Variants in HIGD2B observed in about 807,000 individuals in gnomAD.
HIGD2B encodes HIG1 domain family member 2B.
For missense variants in HIGD2B, 106 were observed against 67.0 expected, an observed-to-expected ratio of 1.58 and a Z score of -2.03; for synonymous variants, 45 against 28.1, an observed-to-expected ratio of 1.60 and a Z score of -1.90.
chr15:72,677,631 G>A (rs1038096379), intron 2 of HIGD2B, among the ~76,000 whole-genome samples: 10 of 151,636 alleles, frequency 6.6e-5, no homozygotes, highest in Non-Finnish European at 7.4e-5. Context: ...GCATGGTAAT[G>A]CATGCCTGTG....
chr15:72,685,688 CA>C, intron 1 of HIGD2B, 129 bp downstream of exon 1: 1 of 180,570 alleles, frequency 5.5e-6, no homozygotes, highest in Non-Finnish European at 1.2e-5. Context: ...TATTTCCAAT[CA>C]AAAGACTGCC....
At chr15:72,681,958 C>G (rs2064754930) in intron 1 of HIGD2B, among the ~76,000 whole-genome samples, 1 of 152,100 alleles carries the variant, frequency 6.6e-6, no homozygotes, top group Non-Finnish European at 1.5e-5. Flanking sequence ...GTGCTGTTGC[C>G]CAGGCAGGAG....
At chr15:72,680,801 C>G (rs991217924) in intron 1 of HIGD2B, among the ~76,000 whole-genome samples, 4 of 152,022 alleles carry the variant, frequency 2.6e-5, no homozygotes, top group African/African-American at 9.7e-5. Context: ...GCCTGAGGCA[C>G]GAGAATTGCC....
At chr15:72,678,953 T>C (rs527943555) in intron 2 of HIGD2B, among the ~76,000 whole-genome samples, 61 of 151,202 alleles carry the variant, frequency 4.0e-4, no homozygotes, top group Non-Finnish European at 6.5e-4. Context: ...GCCATGATTG[T>C]GCCACTGCAT....
intron 1 of HIGD2B, among the ~76,000 whole-genome samples, chr15:72,685,470 C>A (rs1469894751): frequency 6.6e-6 from 1 of 152,158 alleles, no homozygotes; most frequent in Admixed American, 6.5e-5. Context: ...CCAAAGCCCA[C>A]ACGTTTTCCT....
At chr15:72,678,565 G>A (rs1411402599) in intron 2 of HIGD2B, among the ~76,000 whole-genome samples, 2 of 152,086 alleles carry the variant, frequency 1.3e-5, no homozygotes, top group Non-Finnish European at 2.9e-5. Context: ...TGCTCCCAAA[G>A]TGCTGGAATT....
rs943630549 is a variant in HIGD2B at position 72,685,997 on chromosome 15, G to C, written c.-372C>G. On this transcript the variant is annotated 5_prime_UTR_variant, in exon 1 of 3. Coordinates refer to ENST00000311755, the MANE Select transcript of HIGD2B (RefSeq NM_001350932.3). ...GTACAGACCACGGCGAGGGGTGTTA[G>C]GGGCTTCTCGGGATAAAGGCAGCGA... is the stretch of plus-strand genomic sequence containing the variant. 3.2e-6 allele frequency: 2 copies of C among 621,680 alleles called. No individual in the cohort carries two copies. Among genetic ancestry groups the C allele is most frequent in the Non-Finnish European group, 5.7e-6 (2 of 348,826 alleles). 38.5% of individuals were successfully genotyped at this position (621,680 alleles called of 1,614,324 possible).
intron 2 of HIGD2B, among the ~76,000 whole-genome samples, chr15:72,677,251 G>A (rs886817307): frequency 1.3e-5 from 2 of 151,776 alleles, no homozygotes; most frequent in Non-Finnish European, 2.9e-5. Context: ...GCAACATGGT[G>A]AAAGCCCATC....
Position 72,685,960 on chromosome 15 carries a change from G to T in HIGD2B, c.-335C>A. ...TGGCCTACCAGCCAGCGCGGCCGGA[G>T]GTACAGACCATGTACAGACCACGGC... On this transcript the variant is annotated 5_prime_UTR_variant, in exon 1 of 3. Coordinates refer to ENST00000311755, the MANE Select transcript of HIGD2B (RefSeq NM_001350932.3). The T allele has an allele frequency of 1.8e-6, 1 of 566,996 alleles. No homozygotes were observed. Among genetic ancestry groups the T allele is most frequent in the Non-Finnish European group, 3.2e-6 (1 of 316,002 alleles). The allele number at this position is 566,996 out of a possible 1,614,324, so 35.1% of individuals were successfully genotyped here. A position where few individuals can be genotyped will look rare whatever the true frequency, so the allele number is the denominator to read the frequency against.
Position 72,676,366 on chromosome 15 carries a change from A to T in HIGD2B, c.9T>A (p.Thr3=). MA[T]LGFVTPEAPF... The stretch of plus-strand genomic sequence containing the variant: ...GGGCCTCCGGAGTCACAAAGCCGAG[A>T]GTCGCCATGCCTAGGCCACAGCTGC... Residue 3 remains threonine, a synonymous_variant, in exon 3 of 3, where the codon ACT becomes ACA. Coordinates refer to ENST00000311755, the MANE Select transcript of HIGD2B (RefSeq NM_001350932.3). 1 of 755,002 alleles carries T rather than the reference A, an allele frequency of 1.3e-6. No homozygotes were observed. Among genetic ancestry groups the T allele is most frequent in the Non-Finnish European group, 2.4e-6 (1 of 412,604 alleles). 46.8% of individuals were successfully genotyped at this position (755,002 alleles called of 1,614,324 possible).
intron 1 of HIGD2B, among the ~76,000 whole-genome samples, chr15:72,685,321 T>C (rs2064806060): frequency 6.6e-6 from 1 of 152,142 alleles, no homozygotes; most frequent in Non-Finnish European, 1.5e-5. Flanking sequence ...AAAGTATGAA[T>C]TGGGGCTAAT....
chr15:72,678,664 C>A (rs1277891850), intron 2 of HIGD2B, among the ~76,000 whole-genome samples: 1 of 152,108 alleles, frequency 6.6e-6, no homozygotes, highest in African/African-American at 2.4e-5. Flanking sequence ...TTCCTGGGGG[C>A]AGCCAATTAA....
intron 1 of HIGD2B, among the ~76,000 whole-genome samples, chr15:72,683,577 C>T (rs1392610557): frequency 6.6e-6 from 1 of 151,898 alleles, no homozygotes; most frequent in African/African-American, 2.4e-5. Context: ...CGGGGTGGCT[C>T]ACGCCTGTAA....
intron 1 of HIGD2B, among the ~76,000 whole-genome samples, chr15:72,683,102 T>C (rs7182789): frequency 0.97 from 147,662 of 152,344 alleles, 71,746 homozygotes; most frequent in East Asian, 1. Context: ...AGAGGAGTTT[T>C]TCTAGAATGT....
intron 2 of HIGD2B, among the ~76,000 whole-genome samples, chr15:72,677,387 C>G (rs926475198): frequency 6.6e-6 from 1 of 152,184 alleles, no homozygotes; most frequent in African/African-American, 2.4e-5. Flanking sequence ...GATCACACCA[C>G]TGCCCTCCAG....
chr15:72,684,087 G>A (rs957578608), intron 1 of HIGD2B, among the ~76,000 whole-genome samples: 2 of 151,966 alleles, frequency 1.3e-5, no homozygotes, highest in African/African-American at 4.8e-5. Flanking sequence ...AAGGTGGAGG[G>A]TGTCCAGGTT....
At chr15:72,676,905 T>C (rs1414866471) in intron 2 of HIGD2B, among the ~76,000 whole-genome samples, 1 of 152,032 alleles carries the variant, frequency 6.6e-6, no homozygotes, top group Non-Finnish European at 1.5e-5. Flanking sequence ...TGGTGACAGA[T>C]AGGAAAACCT....
At chr15:72,685,545 T>A (rs912377647) in intron 1 of HIGD2B, among the ~76,000 whole-genome samples, 3 of 152,308 alleles carry the variant, frequency 2.0e-5, no homozygotes, top group East Asian at 3.9e-4. Context: ...GAGAACGCCT[T>A]AAGTATGTTA....
At position 72,676,167 on chromosome 15, in the gene HIGD2B, C is replaced by G. The variant is rs2150973134; in HGVS notation, c.208G>C (p.Gly70Arg). The change falls in exon 3 of 3, where the codon GGC (glycine) becomes CGC (arginine). Residue 70 changes from glycine (G) to arginine (R), a missense_variant. Coordinates refer to ENST00000311755, the MANE Select transcript of HIGD2B (RefSeq NM_001350932.3). ...LTNGLYCFHQ[G>R]NSQCSRLMMH... ...ATAAGCCGTGAACATTGGCTGTTGCCCTGGTGGAAGCAGTAGAGGCCGTTG... is the reference window on the plus strand; with the variant it reads ...ATAAGCCGTGAACATTGGCTGTTGCGCTGGTGGAAGCAGTAGAGGCCGTTG... 1 of 763,198 alleles carries G rather than the reference C, an allele frequency of 1.3e-6. No individual in the cohort carries two copies. Among genetic ancestry groups the G allele is most frequent in the South Asian group, 1.4e-5 (1 of 73,650 alleles). The allele number at this position is 763,198 out of a possible 1,614,324, so 47.3% of individuals were successfully genotyped here. A position where few individuals can be genotyped will look rare whatever the true frequency, so the allele number is the denominator to read the frequency against.
Sources: allele counts gnomAD v4.1 joint callset (sites outside exome capture counted in the v4.1 genomes callset), GRCh38; gene constraint gnomAD v4.1.1; transcripts MANE v1.5; gene names NCBI Gene and HGNC (gene_info 2026-07-23, HGNC 2026-07-21).